Variants in CDC16 observed in about 807,000 individuals in gnomAD.
CDC16 encodes cell division cycle protein 16 homolog.
CDC16 carries 34 observed loss-of-function variants against 87.0 expected under a neutral mutation model. That is an observed-to-expected ratio of 0.39 (90% CI 0.30 to 0.52). The LOEUF is 0.52. Among genes scored for constraint, CDC16 ranks in the 20% least tolerant of loss-of-function variants. The pLI is 0.74. For missense variants in CDC16, 653 were observed against 751.9 expected (o/e 0.87, Z 1.54); for synonymous variants, 263 against 260.6 (o/e 1.01, Z -0.09).
chr13:114,235,586 T>A (rs2081207502), intron 1 of CDC16, among the ~76,000 whole-genome samples: 1 of 152,282 alleles, frequency 6.6e-6, no homozygotes, highest in Non-Finnish European at 1.5e-5. Context: ...AAATTCTCGT[T>A]AACTATGTCT....
chr13:114,247,212 CTG>C lies in CDC16; in HGVS notation c.971+210_971+211del, dbSNP rs368175310. On this transcript the variant is annotated intron_variant, in intron 11 of 17. Coordinates refer to ENST00000356221, the MANE Select transcript of CDC16 (RefSeq NM_001078645.3). ...CCCCTCTCTCTCGAGGGTTCTCACT[CTG>C]TTGCCCAGACTAGAGTGCAGTGGTG... is the stretch of plus-strand genomic sequence containing the variant. The C allele has an allele frequency of 4.9e-4, 272 of 559,128 alleles. 2 individuals carry two copies. The South Asian group carries it at 5.5e-3, about 11-fold the overall frequency. 34.6% of individuals were successfully genotyped at this position (559,128 alleles called of 1,614,324 possible). A position where few individuals can be genotyped will look rare whatever the true frequency, so the allele number is the denominator to read the frequency against.
At chr13:114,239,296 G>C in intron 4 of CDC16, 54 bp from the exon 5 acceptor site, 1 of 1,554,682 alleles carries the variant, frequency 6.4e-7, no homozygotes, top group South Asian at 1.2e-5. Context: ...TTCGGATCAT[G>C]TGTTTCGTGT....
At chr13:114,268,339 G>A (rs1437577233) in intron 17 of CDC16, among the ~76,000 whole-genome samples, 1 of 152,212 alleles carries the variant, frequency 6.6e-6, no homozygotes, top group African/African-American at 2.4e-5. Flanking sequence ...CCAGGTTCTT[G>A]GCATGGTGAA....
At chr13:114,250,309 A>G (rs1394602292) in intron 11 of CDC16, among the ~76,000 whole-genome samples, 1 of 152,088 alleles carries the variant, frequency 6.6e-6, no homozygotes, top group Admixed American at 6.5e-5. Context: ...CCTGACCGAC[A>G]TGGTGAAACC....
At chr13:114,251,314 C>T (rs1180005000) in intron 12 of CDC16, among the ~76,000 whole-genome samples, 3 of 152,076 alleles carry the variant, frequency 2.0e-5, no homozygotes, top group Non-Finnish European at 4.4e-5. Context: ...AGCCATGTGA[C>T]GTTGGGCAAG....
intron 9 of CDC16, chr13:114,245,738 A>G (rs17337989): frequency 0.028 from 9,989 of 354,818 alleles, 172 homozygotes; most frequent in Non-Finnish European, 0.04. Context: ...ATGAGCTTCT[A>G]AGAGAGGTGA....
chr13:114,257,022 T>C, intron 12 of CDC16, 56 bp from the exon 13 acceptor site: 1 of 1,175,876 alleles, frequency 8.5e-7, no homozygotes, highest in Admixed American at 2.2e-5. Context: ...GACAGATTAA[T>C]TTCTGCTAAA....
chr13:114,263,830 C>T (rs1415990507), intron 16 of CDC16, among the ~76,000 whole-genome samples: 3 of 152,144 alleles, frequency 2.0e-5, no homozygotes, highest in East Asian at 1.9e-4. Flanking sequence ...AAGTGTTCCT[C>T]GCATGGTTTG....
At chr13:114,258,107 A>G (rs1364412993) in intron 13 of CDC16, among the ~76,000 whole-genome samples, 1 of 152,184 alleles carries the variant, frequency 6.6e-6, no homozygotes, top group Non-Finnish European at 1.5e-5. Context: ...TAATACTACT[A>G]CAGTGTCATT....
At chr13:114,271,836 T>C (rs1051506231) in intron 17 of CDC16, among the ~76,000 whole-genome samples, 6 of 152,124 alleles carry the variant, frequency 3.9e-5, no homozygotes, top group African/African-American at 1.4e-4. Context: ...ACAGGCCTCA[T>C]ACGTATTTAG....
At chr13:114,235,339 G>T (rs994705582) in intron 1 of CDC16, among the ~76,000 whole-genome samples, 13 of 152,196 alleles carry the variant, frequency 8.5e-5, no homozygotes, top group African/African-American at 3.1e-4. Flanking sequence ...CCGGGGAGTG[G>T]AGGCCCCCGA....
At chr13:114,259,608 T>C (rs1358733224) in intron 14 of CDC16, among the ~76,000 whole-genome samples, 3 of 152,264 alleles carry the variant, frequency 2.0e-5, no homozygotes, top group Admixed American at 2.0e-4. Context: ...TGTTGGCGTT[T>C]GCTTCTTAAA....
At chr13:114,240,985 A>AT (rs2081521690) in intron 5 of CDC16, among the ~76,000 whole-genome samples, 1 of 152,244 alleles carries the variant, frequency 6.6e-6, no homozygotes, top group Non-Finnish European at 1.5e-5. Context: ...GAAGACTCTC[A>AT]TAATTCATTA....
chr13:114,235,408 G>C (rs973193067), intron 1 of CDC16, among the ~76,000 whole-genome samples: 1 of 152,230 alleles, frequency 6.6e-6, no homozygotes, highest in African/African-American at 2.4e-5. Context: ...CGGAGGAGGT[G>C]CCCAGGAAAC....
rs1300259837 is a variant in CDC16 at position 114,243,848 on chromosome 13, T to A, written c.634-8T>A. 1.2e-6 allele frequency: 2 copies of A among 1,600,596 alleles called. No individual in the cohort carries two copies. Among genetic ancestry groups the A allele is most frequent in the Admixed American group, 1.7e-5 (1 of 57,534 alleles). On this transcript the variant is annotated splice_region_variant and splice_polypyrimidine_tract_variant and intron_variant, in intron 7 of 17. Coordinates refer to ENST00000356221, the MANE Select transcript of CDC16 (RefSeq NM_001078645.3). ...TTGAGTTTATGTTTACATTTCTATG[T>A]GTTTCAGTATAATAAGCCTAGTGAA...
intron 3 of CDC16, among the ~76,000 whole-genome samples, chr13:114,237,437 A>G (rs2081311970): frequency 6.6e-6 from 1 of 151,418 alleles, no homozygotes; most frequent in Admixed American, 6.6e-5. Context: ...CTACAGGTGC[A>G]TGCCACCACA....
At chr13:114,238,874 G>GC in intron 3 of CDC16, 116 bp from the exon 4 acceptor site, 1 of 1,325,306 alleles carries the variant, frequency 7.5e-7, no homozygotes, top group South Asian at 1.6e-5. Context: ...TTTTTTAACT[G>GC]CAAGAGTAAA....
chr13:114,243,065 C>T (rs1487903684), intron 6 of CDC16, among the ~76,000 whole-genome samples, 192 bp from the exon 7 acceptor site: 1 of 152,194 alleles, frequency 6.6e-6, no homozygotes, highest in Non-Finnish European at 1.5e-5. Flanking sequence ...AGAGTAGCCT[C>T]CACCCACCAG....
chr13:114,248,762 T>C (rs949752219), intron 11 of CDC16, among the ~76,000 whole-genome samples: 1 of 152,110 alleles, frequency 6.6e-6, no homozygotes, highest in Admixed American at 6.6e-5. Flanking sequence ...GCCACGAAAG[T>C]ACCCTGTACT....
Sources: gnomAD v4.1 joint callset for allele counts (sites outside exome capture counted in the v4.1 genomes callset) on GRCh38, gnomAD v4.1.1 for gene constraint, MANE v1.5 for transcripts, NCBI Gene and HGNC (gene_info 2026-07-23, HGNC 2026-07-21) for gene names.